Variants in NKAIN2 observed in about 807,000 individuals in gnomAD.
NKAIN2 encodes the protein sodium/potassium transporting ATPase interacting 2.
Under a neutral mutation model 32.6 loss-of-function variants are expected in NKAIN2, and 14 were observed. The ratio of observed to expected loss-of-function variants is 0.43; its 90% CI spans 0.28 to 0.67. NKAIN2 has a LOEUF of 0.67. Among genes scored for constraint, NKAIN2 ranks in the 30% least tolerant of loss-of-function variants. NKAIN2 has a pLI of 0.17. For missense variants in NKAIN2, 198 were observed against 258.3 expected, an observed-to-expected ratio of 0.77 and a Z score of 1.60; for synonymous variants, 80 against 87.2, an observed-to-expected ratio of 0.92 and a Z score of 0.46.
intron 3 of NKAIN2, among the ~76,000 whole-genome samples, chr6:124,415,642 C>T (rs888517536): frequency 6.6e-5 from 10 of 152,080 alleles, no homozygotes; most frequent in African/African-American, 2.2e-4. Flanking sequence ...CTGAAAGTCT[C>T]AATCCTCTAT....
At chr6:124,154,215 G>A (rs564518385) in intron 1 of NKAIN2, among the ~76,000 whole-genome samples, 4 of 151,840 alleles carry the variant, frequency 2.6e-5, no homozygotes, top group East Asian at 3.9e-4. Flanking sequence ...TAAGTTATAC[G>A]AAGTATAAAA....
At chr6:124,121,426 T>G (rs1785875494) in intron 1 of NKAIN2, among the ~76,000 whole-genome samples, 1 of 152,078 alleles carries the variant, frequency 6.6e-6, no homozygotes, top group Non-Finnish European at 1.5e-5. Flanking sequence ...TAGGTATATC[T>G]ATACATAACT....
chr6:124,444,937 C>CA (rs1278795574), intron 3 of NKAIN2, among the ~76,000 whole-genome samples: 6 of 150,776 alleles, frequency 4.0e-5, no homozygotes, highest in African/African-American at 7.3e-5. Context: ...TATTTGGAAG[C>CA]AAAAAAATGG....
At chr6:124,588,987 AATG>A (rs1265667438) in intron 3 of NKAIN2, among the ~76,000 whole-genome samples, 1 of 152,194 alleles carries the variant, frequency 6.6e-6, no homozygotes, top group Non-Finnish European at 1.5e-5. Context: ...TATTTTTTAT[AATG>A]ATGCTATTCT....
chr6:124,065,110 A>G (rs1783104750), intron 1 of NKAIN2, among the ~76,000 whole-genome samples: 2 of 152,122 alleles, frequency 1.3e-5, no homozygotes, highest in African/African-American at 4.8e-5. Context: ...TGTAACACAA[A>G]GTACAGCCTC....
chr6:124,775,855 C>G (rs961034408), intron 4 of NKAIN2, among the ~76,000 whole-genome samples: 2 of 152,110 alleles, frequency 1.3e-5, no homozygotes, highest in Admixed American at 1.3e-4. Context: ...CTTTTACTAT[C>G]CTGAACATTT....
At chr6:124,535,564 T>C (rs1022049239) in intron 3 of NKAIN2, among the ~76,000 whole-genome samples, 1 of 152,220 alleles carries the variant, frequency 6.6e-6, no homozygotes, top group African/African-American at 2.4e-5. Context: ...GAAATTACAG[T>C]GCATGAATTG....
At chr6:124,373,451 G>T (rs931288002) in intron 3 of NKAIN2, among the ~76,000 whole-genome samples, 1 of 152,160 alleles carries the variant, frequency 6.6e-6, no homozygotes, top group Admixed American at 6.6e-5. Flanking sequence ...GGGTGTGTCA[G>T]TCTTTAATTC....
intron 4 of NKAIN2, among the ~76,000 whole-genome samples, chr6:124,746,291 C>T (rs1482904222): frequency 6.6e-6 from 1 of 151,702 alleles, no homozygotes; most frequent in Admixed American, 6.6e-5. Flanking sequence ...AAAATTAGTG[C>T]TTTTAATAAG....
At chr6:124,461,485 C>A (rs1475343701) in intron 3 of NKAIN2, among the ~76,000 whole-genome samples, 1 of 151,584 alleles carries the variant, frequency 6.6e-6, no homozygotes, top group African/African-American at 2.4e-5. Flanking sequence ...TTATCTCCTT[C>A]TTAATTACTT....
At chr6:124,037,288 C>T (rs996295804) in intron 1 of NKAIN2, among the ~76,000 whole-genome samples, 22 of 152,078 alleles carry the variant, frequency 1.4e-4, no homozygotes, top group African/African-American at 4.3e-4. Context: ...TGTGTTACTA[C>T]CTAAAGAAGG....
At chr6:124,512,209 G>A (rs1424246213) in intron 3 of NKAIN2, among the ~76,000 whole-genome samples, 2 of 152,104 alleles carry the variant, frequency 1.3e-5, no homozygotes, top group African/African-American at 4.8e-5. Flanking sequence ...CACAAATCAT[G>A]GTACATGTTG....
chr6:124,009,706 A>G (rs914413386), intron 1 of NKAIN2, among the ~76,000 whole-genome samples: 5 of 152,168 alleles, frequency 3.3e-5, no homozygotes, highest in African/African-American at 7.2e-5. Context: ...AAGGCTTATT[A>G]TCTTATTCTT....
At chr6:123,908,187 A>G (rs1023403377) in intron 1 of NKAIN2, among the ~76,000 whole-genome samples, 2 of 152,156 alleles carry the variant, frequency 1.3e-5, no homozygotes, top group African/African-American at 4.8e-5. Flanking sequence ...GTAAGAAAAT[A>G]TCTTGCAAGA....
chr6:124,044,991 T>C (rs1050770510), intron 1 of NKAIN2, among the ~76,000 whole-genome samples: 4 of 152,024 alleles, frequency 2.6e-5, no homozygotes, highest in African/African-American at 9.7e-5. Flanking sequence ...CTGCGTTTTC[T>C]GATATTTTGG....
intron 4 of NKAIN2, among the ~76,000 whole-genome samples, chr6:124,664,129 G>A (rs1359688515): frequency 6.6e-6 from 1 of 151,672 alleles, no homozygotes; most frequent in African/African-American, 2.4e-5. Context: ...ACAAAAATTT[G>A]CTGGACATGG....
intron 3 of NKAIN2, among the ~76,000 whole-genome samples, chr6:124,631,505 A>G (rs1018571727): frequency 1.3e-5 from 2 of 152,138 alleles, no homozygotes; most frequent in Non-Finnish European, 2.9e-5. Context: ...TTGAAGGAAG[A>G]GGTTATACAG....
rs190478270 is a variant in NKAIN2, at chr6:124,051,186, T to A, written c.55-231819T>A. Among the ~76,000 whole-genome samples, 62 of 152,172 alleles carry A rather than the reference T, an allele frequency of 4.1e-4. 1 individual carries two copies. The highest frequency in any genetic ancestry group is 1.3e-3 in the African/African-American group (56 of 41,554). ...TAGTCATGGTGAACTTTATAGACAT[T>A]TTTTGTGTTCTTAAACTTCCCCTTA... is the stretch of plus-strand genomic sequence containing the variant. On this transcript the variant is annotated intron_variant, in intron 1 of 6. Transcript: ENST00000368417.
chr6:124,327,224 A>G (rs978722732), intron 2 of NKAIN2, among the ~76,000 whole-genome samples: 25 of 152,130 alleles, frequency 1.6e-4, no homozygotes, highest in Admixed American at 9.8e-4. Flanking sequence ...TAGTTTCTAA[A>G]GGAATTTTGG....
Sources: allele counts gnomAD v4.1 joint callset (sites outside exome capture counted in the v4.1 genomes callset), GRCh38; gene constraint gnomAD v4.1.1; transcripts MANE v1.5; gene names NCBI Gene and HGNC (gene_info 2026-07-23, HGNC 2026-07-21).